DISC1: variants seen among roughly 807,000 people sequenced by gnomAD.
The protein encoded by DISC1 is disrupted in schizophrenia 1 protein.
Under a neutral mutation model 84.5 loss-of-function variants are expected in DISC1, and 57 were observed. That is an observed-to-expected ratio of 0.67 (90% CI 0.55 to 0.84). The LOEUF (loss-of-function observed/expected upper bound fraction) is 0.84, where lower values mean the gene tolerates loss of function less well. Among genes scored for constraint, DISC1 ranks in the 40% least tolerant of loss-of-function variants. The probability of loss-of-function intolerance (pLI) is 0.00; values close to 1 mark genes in which losing one functional copy is unlikely to be tolerated. For missense variants in DISC1, 1,000 were observed against 1,057.8 expected (o/e 0.95, Z 0.76); for synonymous variants, 411 against 415.2 (o/e 0.99, Z 0.12).
Position 232,009,617 on chromosome 1 carries a change from G to C in DISC1, c.2307+568G>C. On this transcript the variant is annotated intron_variant, in intron 11 of 12. Coordinates refer to ENST00000439617, the MANE Select transcript of DISC1 (RefSeq NM_018662.3). This position sits in a 1 kb window ranked among gnomAD's most constrained non-coding sequence, Gnocchi z 4.6. ...TAAACACAACTAAAGTTTGGCCTGA[G>C]ATATATGTATTACAAATTAAAATAT... is the stretch of plus-strand genomic sequence containing the variant. 1 of 896,988 alleles carries C rather than the reference G, an allele frequency of 1.1e-6. No homozygotes were observed. Among genetic ancestry groups the C allele is most frequent in the Non-Finnish European group, 1.3e-6 (1 of 749,654 alleles). The allele number at this position is 896,988 out of a possible 1,614,324, so 55.6% of individuals were successfully genotyped here. A position where few individuals can be genotyped will look rare whatever the true frequency, so the allele number is the denominator to read the frequency against.
chr1:231,633,255 T>G (rs1406707763), intron 1 of DISC1, among the ~76,000 whole-genome samples: 1 of 152,248 alleles, frequency 6.6e-6, no homozygotes, highest in African/African-American at 2.4e-5. Context: ...AAGGTATCAC[T>G]TTTTGACTAA....
intron 9 of DISC1, among the ~76,000 whole-genome samples, chr1:231,913,068 C>T (rs1479031687): frequency 6.6e-6 from 1 of 151,974 alleles, no homozygotes; most frequent in Non-Finnish European, 1.5e-5. Flanking sequence ...CCACTATGCC[C>T]AGCTAATTTT....
intron 6 of DISC1, among the ~76,000 whole-genome samples, chr1:231,792,040 A>G (rs2078388586): frequency 6.6e-6 from 1 of 152,198 alleles, no homozygotes; most frequent in African/African-American, 2.4e-5. Flanking sequence ...ACCCACTAGC[A>G]TAGTATATAG....
At chr1:231,803,314 G>A (rs1309891319) in intron 8 of DISC1, among the ~76,000 whole-genome samples, 1 of 152,158 alleles carries the variant, frequency 6.6e-6, no homozygotes, top group African/African-American at 2.4e-5. Context: ...TTCAGACACT[G>A]GTATGCATCT....
Position 231,795,242 on chromosome 1 carries a change from C to A in DISC1, c.1635C>A (p.Ser545Arg), listed in dbSNP as rs2078667429. Residue 545 changes from serine (S) to arginine (R), a missense_variant and splice_region_variant, in exon 7 of 13, where the codon AGC becomes AGA. Coordinates refer to ENST00000439617, the MANE Select transcript of DISC1 (RefSeq NM_018662.3). ...AATCTCCTCTTTTTAATTCTTCCAG[C>A]CTCCAGGAAAGAATAAAATCCCTCA... ...FHAEPPETIR[S>R]LQERIKSLNL... The A allele has an allele frequency of 1.2e-6, 2 of 1,613,390 alleles. No homozygotes were observed. Among genetic ancestry groups the A allele is most frequent in the Non-Finnish European group, 8.5e-7 (1 of 1,179,528 alleles).
intron 12 of DISC1, among the ~76,000 whole-genome samples, chr1:232,034,461 T>C (rs1290985064): frequency 1.3e-5 from 2 of 152,264 alleles, no homozygotes; most frequent in African/African-American, 2.4e-5. Flanking sequence ...GTGTTAGCGA[T>C]TGTTGTATGA....
chr1:231,824,437 A>G (rs1407649179), intron 9 of DISC1, among the ~76,000 whole-genome samples: 1 of 151,888 alleles, frequency 6.6e-6, no homozygotes, highest in Non-Finnish European at 1.5e-5. Flanking sequence ...TTTATCTTTG[A>G]TTTGCCTTAT....
At position 231,897,913 on chromosome 1, in the gene DISC1, G is replaced by A. The variant is rs2087831630; in HGVS notation, c.1982-60915G>A. ...TATAGAGGCACATTCCTGGGGCAGG[G>A]GAGAGGTGGCCCTCGATTAAATATA... is the stretch of plus-strand genomic sequence containing the variant. On this transcript the variant is annotated intron_variant, in intron 9 of 12. Coordinates refer to ENST00000439617, the MANE Select transcript of DISC1 (RefSeq NM_018662.3). The surrounding 1 kb of genome is among the most constrained non-coding windows in gnomAD (Gnocchi z 4.5). 6.6e-6 allele frequency among the ~76,000 whole-genome samples: 1 copy of A among 152,150 alleles called. No individual in the cohort carries two copies. The highest frequency in any genetic ancestry group is 2.4e-5 in the African/African-American group (1 of 41,418).
In DISC1 at chr1:231,833,295, T is replaced by C. The variant is rs528397379; in HGVS notation, c.1981+14778T>C. Among the ~76,000 whole-genome samples, 184 of 151,366 alleles carry C rather than the reference T, an allele frequency of 1.2e-3. 1 individual carries two copies. The highest frequency in any genetic ancestry group is 2.1e-3 in the African/African-American group (84 of 40,822). ...AGGTTTAGAAGCCTGGCCGTCAATA[T>C]CTACAACAGTTATGGAGGCAAGGGA... On this transcript the variant is annotated intron_variant, in intron 9 of 12. Transcript: ENST00000439617.
rs114678934 is a variant in DISC1, at chr1:232,003,926, A to G, written c.2043-4859A>G. Among the ~76,000 whole-genome samples the G allele has an allele frequency of 9.9e-3, 1,509 of 152,112 alleles. 19 individuals carry two copies. Among genetic ancestry groups the G allele is most frequent in the Middle Eastern group, 0.017 (5 of 294 alleles). On this transcript the variant is annotated intron_variant, in intron 10 of 12. Transcript: ENST00000439617. Reference sequence around the variant, plus strand: ...AAATTCTAAAAATATATATAATGCAATTACAGAAAAATATTTCAAATTGAT... The same window carrying G: ...AAATTCTAAAAATATATATAATGCAGTTACAGAAAAATATTTCAAATTGAT...
chr1:231,905,439 T>TGA (rs151227437), intron 9 of DISC1, among the ~76,000 whole-genome samples: 2,487 of 151,784 alleles, frequency 0.016, 59 homozygotes, highest in African/African-American at 0.056. Context: ...GGCAAGATAG[T>TGA]GAGACCCCCG....
At chr1:231,770,796 G>T in intron 5 of DISC1, 39 bp from the exon 6 acceptor site, 1 of 1,599,754 alleles carries the variant, frequency 6.3e-7, no homozygotes, top group South Asian at 1.1e-5. Context: ...GCCATGAGCA[G>T]GGTTAATTTA....
intron 9 of DISC1, among the ~76,000 whole-genome samples, chr1:231,821,487 G>GCTTTAA (rs1339625610): frequency 6.6e-6 from 1 of 152,184 alleles, no homozygotes; most frequent in Admixed American, 6.5e-5. Context: ...AAAGAAGTGT[G>GCTTTAA]CTTTAACTCC....
At chr1:231,902,292 A>T (rs939760112) in intron 9 of DISC1, among the ~76,000 whole-genome samples, 2 of 152,150 alleles carry the variant, frequency 1.3e-5, no homozygotes, top group African/African-American at 4.8e-5. Context: ...TGTGCATATT[A>T]TGTAACAGGC....
intron 10 of DISC1, among the ~76,000 whole-genome samples, chr1:231,987,014 C>T (rs1035662374): frequency 6.6e-5 from 10 of 152,126 alleles, no homozygotes; most frequent in African/African-American, 1.7e-4. Flanking sequence ...ATTACTTTCT[C>T]GTCCTTATTT....
intron 9 of DISC1, among the ~76,000 whole-genome samples, chr1:231,840,288 A>G (rs878925867): frequency 1.8e-4 from 27 of 152,294 alleles, no homozygotes; most frequent in African/African-American, 4.6e-4. Context: ...TGACCTGGCA[A>G]TTCCACTCCT....
chr1:231,708,296 G>A lies in DISC1; in HGVS notation c.1117+6272G>A, dbSNP rs142658969. Among the ~76,000 whole-genome samples the A allele has an allele frequency of 3.3e-3, 505 of 152,272 alleles. 1 individual carries two copies. Among genetic ancestry groups the A allele is most frequent in the South Asian group, 5.8e-3 (28 of 4,820 alleles). On this transcript the variant is annotated intron_variant, in intron 3 of 12. Coordinates refer to ENST00000439617, the MANE Select transcript of DISC1 (RefSeq NM_018662.3). ...GGCCCAGAGAAAACAAATGTAGAAGGCAAACTGGTCTCTCTCTGAGAAATG... is the reference window on the plus strand; with the variant it reads ...GGCCCAGAGAAAACAAATGTAGAAGACAAACTGGTCTCTCTCTGAGAAATG...
At chr1:231,972,837 A>T (rs1662197835) in intron 10 of DISC1, among the ~76,000 whole-genome samples, 1 of 152,240 alleles carries the variant, frequency 6.6e-6, no homozygotes, top group South Asian at 2.1e-4. Context: ...GAAACTGGTT[A>T]TAAGGTTTAG....
chr1:231,831,116 G>A (rs6674099), intron 9 of DISC1, among the ~76,000 whole-genome samples: 77,992 of 152,024 alleles, frequency 0.51, 20,544 homozygotes, highest in Admixed American at 0.57. Flanking sequence ...CAGGCTAAGA[G>A]GTATTTTAAT....
Sources: gnomAD v4.1 joint callset for allele counts (sites outside exome capture counted in the v4.1 genomes callset) on GRCh38, gnomAD v4.1.1 for gene constraint, Gnocchi (gnomAD v3.1) non-coding constraint, MANE v1.5 for transcripts, NCBI Gene and HGNC (gene_info 2026-07-23, HGNC 2026-07-21) for gene names.